GYPB: variants seen among roughly 807,000 people sequenced by gnomAD.
The protein encoded by GYPB is glycophorin B (MNS blood group), also known as glycophorin-B.
GYPB carries 13 observed loss-of-function variants against 15.3 expected under a neutral mutation model. The observed-to-expected ratio is 0.85, with a 90% CI of 0.55 to 1.35. The LOEUF (loss-of-function observed/expected upper bound fraction) is 1.35, where lower values mean the gene tolerates loss of function less well. GYPB is among the 40% of genes most tolerant of loss of function. The pLI is 0.00. For missense variants in GYPB, 131 were observed against 108.3 expected, an observed-to-expected ratio of 1.21 and a Z score of -0.93; for synonymous variants, 38 against 36.9, an observed-to-expected ratio of 1.03 and a Z score of -0.11.
intron 1 of GYPB, among the ~76,000 whole-genome samples, chr4:144,013,896 A>T (rs1387727791): frequency 1.3e-5 from 2 of 150,906 alleles, no homozygotes; most frequent in Non-Finnish European, 2.9e-5. Context: ...GTGCACATGT[A>T]CCCTAAAACT....
rs547597445 is a variant in GYPB, at chr4:143,997,798, A to G, written c.176-164T>C. Among the ~76,000 whole-genome samples, 14 of 151,560 alleles carry G rather than the reference A, an allele frequency of 9.2e-5. No homozygotes were observed. In the East Asian group the frequency reaches 2.7e-3, roughly 29 times the overall value. On this transcript the variant is annotated intron_variant, in intron 3 of 4. Transcript: ENST00000502664. ...TCTTTTTTTAAATTGTGTGCTTTAC[A>G]GTAACCTTGTGGGAAACTGGGACTG...
chr4:144,019,106 A>G (rs888612378), intron 1 of GYPB, 145 bp downstream of exon 1: 5 of 1,321,102 alleles, frequency 3.8e-6, no homozygotes, highest in Non-Finnish European at 5.1e-6. Context: ...GCTGAGTTCC[A>G]GTAAAATCCA....
chr4:144,000,471 C>G (rs1727567863), intron 2 of GYPB: 1 of 1,041,098 alleles, frequency 9.6e-7, no homozygotes, highest in Non-Finnish European at 1.3e-6. Flanking sequence ...CCCGTTTGTG[C>G]TTATCTGCAT....
chr4:144,013,711 T>C, intron 1 of GYPB, among the ~76,000 whole-genome samples: 4 of 147,108 alleles, frequency 2.7e-5, no homozygotes, highest in African/African-American at 7.9e-5. Context: ...TAGGTGGGAA[T>C]TGAACAATGA....
intron 1 of GYPB, among the ~76,000 whole-genome samples, chr4:144,011,506 A>G (rs1378083404): frequency 6.6e-6 from 1 of 151,370 alleles, no homozygotes; most frequent in African/African-American, 2.5e-5. Flanking sequence ...TAAGCAATAT[A>G]TTTCACAATG....
downstream of GYPB, chr4:143,996,062 A>C (rs532791325): frequency 8.3e-7 from 1 of 1,203,370 alleles, no homozygotes; most frequent in South Asian, 1.7e-5. Flanking sequence ...TTTACATTTT[A>C]AACATAGCTT....
chr4:144,001,781 A>G (rs1727637960), intron 1 of GYPB, among the ~76,000 whole-genome samples: 1 of 151,136 alleles, frequency 6.6e-6, no homozygotes. Context: ...CATAATAATT[A>G]TACAGAACAA....
At position 143,996,198 on chromosome 4, in the gene GYPB, G is replaced by A. The variant is rs1579042153; in HGVS notation, c.*101C>T. 3.2e-6 allele frequency: 5 copies of A among 1,546,776 alleles called. No homozygotes were observed. In the East Asian group the frequency reaches 7.3e-5, roughly 23 times the overall value. On this transcript the variant is annotated 3_prime_UTR_variant, in exon 5 of 5. Coordinates refer to ENST00000502664, the MANE Select transcript of GYPB (RefSeq NM_002100.6). ...GGAATTAGGATAGCCAGGGGTAGGG[G>A]CATAAGCAAAGGAATAGCAGGTGCA...
At chr4:144,016,140 G>GAAA (rs10594193) in intron 1 of GYPB, among the ~76,000 whole-genome samples, 3 of 38,846 alleles carry the variant, frequency 7.7e-5, no homozygotes, top group African/African-American at 3.2e-4. Flanking sequence ...TTGGATCCCT[G>GAAA]AAAAAAAAAA....
chr4:143,997,269 A>G (rs1727372649), intron 4 of GYPB: 3 of 306,168 alleles, frequency 9.8e-6, no homozygotes, highest in Non-Finnish European at 1.2e-5. Context: ...TATCCATCAA[A>G]ATATGTGAAA....
chr4:144,011,835 A>G (rs1442764247), intron 1 of GYPB, among the ~76,000 whole-genome samples: 1 of 151,372 alleles, frequency 6.6e-6, no homozygotes, highest in East Asian at 1.9e-4. Flanking sequence ...GTCTGAATCT[A>G]GCAGAATAGT....
At chr4:144,001,968 C>CA (rs374342942) in intron 1 of GYPB, among the ~76,000 whole-genome samples, 46,937 of 96,182 alleles carry the variant, frequency 0.49, 12,988 homozygotes, top group Middle Eastern at 0.65. Flanking sequence ...GATTCCGTTT[C>CA]AAAAAAAAAA....
At chr4:143,997,659 A>G (rs749117129) in intron 3 of GYPB, 25 bp from the exon 4 acceptor site, 28 of 1,187,864 alleles carry the variant, frequency 2.4e-5, no homozygotes, top group Non-Finnish European at 3.3e-5. Context: ...AAAATTATGA[A>G]AGTCTGAAAT....
chr4:144,007,806 G>C (rs2149963759), intron 1 of GYPB, among the ~76,000 whole-genome samples: 1 of 151,524 alleles, frequency 6.6e-6, no homozygotes, highest in South Asian at 2.1e-4. Context: ...TTTAAAAAAA[G>C]TTTTGCTTTT....
intron 3 of GYPB, among the ~76,000 whole-genome samples, chr4:143,998,795 C>G (rs1727456057): frequency 1.4e-5 from 2 of 144,664 alleles, no homozygotes; most frequent in African/African-American, 2.6e-5. Flanking sequence ...TCTTATGAGG[C>G]TTCTTTCAAG....
chr4:144,012,778 T>A, intron 1 of GYPB: 1 of 151,516 alleles, frequency 6.6e-6, no homozygotes, highest in Non-Finnish European at 1.5e-5. Flanking sequence ...AGGTGGACTC[T>A]TGTCATACAT....
intron 1 of GYPB, among the ~76,000 whole-genome samples, chr4:144,010,133 A>G (rs774593476): frequency 4.0e-5 from 6 of 151,116 alleles, no homozygotes; most frequent in Non-Finnish European, 8.8e-5. Context: ...CTAATGGGCT[A>G]TGAAATCAGT....
At chr4:143,996,937 C>G (rs1412262117) in intron 4 of GYPB, among the ~76,000 whole-genome samples, 27 of 150,800 alleles carry the variant, frequency 1.8e-4, no homozygotes, top group African/African-American at 7.4e-5. Flanking sequence ...GACATGGTCT[C>G]ACTCTGTTGC....
At chr4:144,003,153 C>T (rs1436877493) in intron 1 of GYPB, among the ~76,000 whole-genome samples, 2 of 151,300 alleles carry the variant, frequency 1.3e-5, no homozygotes, top group Admixed American at 1.3e-4. Flanking sequence ...AAATTATTTA[C>T]AAAGATAACT....
Sources: gnomAD v4.1 joint callset for allele counts (sites outside exome capture counted in the v4.1 genomes callset) on GRCh38, gnomAD v4.1.1 for gene constraint, MANE v1.5 for transcripts, NCBI Gene and HGNC (gene_info 2026-07-23, HGNC 2026-07-21) for gene names.